The following DSC1 variants were observed in gnomAD, a reference collection of about 807,000 sequenced individuals.
DSC1 encodes the protein desmocollin 1.
Under a neutral mutation model 98.8 loss-of-function variants are expected in DSC1, and 79 were observed. The ratio of observed to expected loss-of-function variants is 0.80; its 90% CI spans 0.67 to 0.96. DSC1 has a LOEUF of 0.96. Ranked by LOEUF, DSC1 falls within the 50% of genes least tolerant of loss-of-function variation. DSC1 has a pLI of 0.00. For synonymous variants in DSC1, 405 were observed against 372.1 expected (o/e 1.09, Z -1.02); for missense variants, 1,115 against 1,075.9 (o/e 1.04, Z -0.51).
At chr18:31,133,267 A>T (rs755890844) in intron 13 of DSC1, among the ~76,000 whole-genome samples, 21 of 152,090 alleles carry the variant, frequency 1.4e-4, no homozygotes, top group Admixed American at 2.6e-4. Context: ...AAACAGAAAG[A>T]AAGAAAGAGA....
At chr18:31,149,963 T>G (rs1446742519) in intron 5 of DSC1, among the ~76,000 whole-genome samples, 1 of 151,672 alleles carries the variant, frequency 6.6e-6, no homozygotes, top group Non-Finnish European at 1.5e-5. Flanking sequence ...AATTCTAAAT[T>G]CAGGAGTGGA....
intron 15 of DSC1, 34 bp from the exon 16 acceptor site, chr18:31,130,745 TA>T: frequency 6.2e-7 from 1 of 1,611,906 alleles, no homozygotes; most frequent in African/African-American, 1.3e-5. Context: ...TATTATTTTT[TA>T]AAAAACACCT....
At position 31,134,246 on chromosome 18, in the gene DSC1, T is replaced by TC. The variant is rs796107372; in HGVS notation, c.1877-117_1877-116insG. On this transcript the variant is annotated intron_variant, in intron 12 of 15. Coordinates refer to ENST00000257198, the MANE Select transcript of DSC1 (RefSeq NM_024421.2). ...TTAGAATAAAAACTCGAATTTTTCT[T>TC]TTTTTTTTTGAATTTGTGATTTCCC... 126 of 1,261,370 alleles carry TC rather than the reference T, an allele frequency of 1.0e-4. 1 individual carries two copies. In the African/African-American group the frequency reaches 2.4e-3, roughly 24 times the overall value. The allele number at this position is 1,261,370 out of a possible 1,614,324, so 78.1% of individuals were successfully genotyped here.
At chr18:31,141,221 AT>A (rs1301071264) in intron 9 of DSC1, among the ~76,000 whole-genome samples, 3 of 152,210 alleles carry the variant, frequency 2.0e-5, no homozygotes, top group Non-Finnish European at 4.4e-5. Context: ...GGTGAAAAAA[AT>A]ATCAAGGGGG....
chr18:31,130,841 A>G (rs761828107), intron 15 of DSC1, 130 bp from the exon 16 acceptor site: 3 of 1,608,902 alleles, frequency 1.9e-6, no homozygotes, highest in East Asian at 2.2e-5. Flanking sequence ...ATGGATTCCT[A>G]TATATAAAAA....
chr18:31,147,517 A>T (rs1988871009), intron 6 of DSC1, among the ~76,000 whole-genome samples: 1 of 152,122 alleles, frequency 6.6e-6, no homozygotes, highest in South Asian at 2.1e-4. Flanking sequence ...ATAAAACTAG[A>T]ACGTTTTATG....
intron 5 of DSC1, among the ~76,000 whole-genome samples, chr18:31,153,780 A>C (rs993762550): frequency 6.6e-6 from 1 of 152,122 alleles, no homozygotes; most frequent in South Asian, 2.1e-4. Flanking sequence ...CTTTTTAACA[A>C]GTAAATATTT....
chr18:31,144,037 G>A (rs1181603534), intron 7 of DSC1, among the ~76,000 whole-genome samples: 1 of 152,012 alleles, frequency 6.6e-6, no homozygotes, highest in Non-Finnish European at 1.5e-5. Flanking sequence ...AGCTTCCAGA[G>A]TAGCTGGGAG....
intron 2 of DSC1, 135 bp from the exon 3 acceptor site, chr18:31,157,708 C>A: frequency 1.2e-6 from 1 of 837,030 alleles, no homozygotes; most frequent in South Asian, 1.6e-5. Context: ...TCAGCACCTG[C>A]TATTCTAAAA....
chr18:31,156,494 C>T (rs2164766), intron 3 of DSC1, among the ~76,000 whole-genome samples: 106,119 of 152,094 alleles, frequency 0.7, 37,310 homozygotes, highest in East Asian at 0.81. Context: ...CTAGGACTGG[C>T]ACAACCAAAA....
chr18:31,159,202 C>T (rs555935631), intron 2 of DSC1, among the ~76,000 whole-genome samples: 12 of 118,264 alleles, frequency 1.0e-4, no homozygotes, highest in Admixed American at 1.8e-4. Context: ...TACAGGCGCC[C>T]GCCACCGCGC....
chr18:31,133,740 T>A, intron 13 of DSC1, 151 bp downstream of exon 13: 1 of 751,734 alleles, frequency 1.3e-6, no homozygotes, highest in Non-Finnish European at 2.0e-6. Context: ...GATACATTTA[T>A]CACTCAGAGC....
chr18:31,157,919 C>T (rs1447323087), intron 2 of DSC1, among the ~76,000 whole-genome samples: 1 of 151,986 alleles, frequency 6.6e-6, no homozygotes, highest in Non-Finnish European at 1.5e-5. Context: ...AGTGGTATAA[C>T]CGTATGATGT....
At chr18:31,133,821 T>C (rs1336016769) in intron 13 of DSC1, 70 bp downstream of exon 13, 1 of 1,467,984 alleles carries the variant, frequency 6.8e-7, no homozygotes, top group East Asian at 2.4e-5. Context: ...ATAAAAAACT[T>C]CCATGTTTTA....
chr18:31,135,857 CT>C, intron 11 of DSC1, among the ~76,000 whole-genome samples: 1 of 152,160 alleles, frequency 6.6e-6, no homozygotes, highest in South Asian at 2.1e-4. Flanking sequence ...GCTTTAAATA[CT>C]GGTCCACATT....
intron 11 of DSC1, among the ~76,000 whole-genome samples, chr18:31,138,935 G>C (rs1259133033): frequency 6.6e-6 from 1 of 151,860 alleles, no homozygotes; most frequent in Non-Finnish European, 1.5e-5. Context: ...TGGTAAATTT[G>C]TCATCAATAT....
chr18:31,132,341 G>C (rs1053789640), intron 14 of DSC1: 1 of 463,688 alleles, frequency 2.2e-6, no homozygotes, highest in African/African-American at 2.0e-5. Flanking sequence ...CTCCAGATCT[G>C]TGAAACAATA....
In DSC1 at chr18:31,143,788, ATTTCTG is replaced by A; in HGVS notation, c.940-3_942del. ...TCCATTATTAACTGGTAAGTATCAC[ATTTCTG>A]AAAAAAAGGAAAAAACTACATTAAT... On this transcript the variant is annotated splice_acceptor_variant and splice_polypyrimidine_tract_variant and coding_sequence_variant and intron_variant, in exon 8 of 16. Coordinates refer to ENST00000257198, the MANE Select transcript of DSC1 (RefSeq NM_024421.2). LOFTEE classifies it high-confidence loss of function. The A allele has an allele frequency of 6.4e-7, 1 of 1,555,340 alleles. No individual in the cohort carries two copies. The highest frequency in any genetic ancestry group is 8.7e-7 in the Non-Finnish European group (1 of 1,154,946).
At position 31,154,891 on chromosome 18, in the gene DSC1, A is replaced by G; in HGVS notation, c.510T>C (p.Tyr170=). 6.2e-7 allele frequency: 1 copy of G among 1,614,090 alleles called. No individual in the cohort carries two copies. Residue 170 remains tyrosine, a synonymous_variant, in exon 5 of 16, where the codon TAT becomes TAC. Transcript: ENST00000257198. ...TGTCCACGCCTGGCCCACTTATGGA[A>G]TAAAAGATGGTGTAATTCTGTGCAG... The part of the protein sequence containing the change: ...SDAAQNYTIF[Y]SISGPGVDKE...
Sources: gnomAD v4.1 joint callset for allele counts (sites outside exome capture counted in the v4.1 genomes callset) on GRCh38, gnomAD v4.1.1 for gene constraint, MANE v1.5 for transcripts, NCBI Gene and HGNC (gene_info 2026-07-23, HGNC 2026-07-21) for gene names.